The following CRYBG1 variants were observed in gnomAD, a reference collection of about 807,000 sequenced individuals.
CRYBG1 encodes crystallin beta-gamma domain containing 1, also known as beta/gamma crystallin domain-containing protein 1.
CRYBG1 carries 139 observed loss-of-function variants against 189.2 expected under a neutral mutation model. That is an observed-to-expected ratio of 0.73 (90% CI 0.64 to 0.85). The LOEUF (loss-of-function observed/expected upper bound fraction) is 0.85, where lower values mean the gene tolerates loss of function less well. Among genes scored for constraint, CRYBG1 ranks in the 40% least tolerant of loss-of-function variants. The pLI, the probability that CRYBG1 is intolerant of heterozygous loss-of-function variation, is 0.00. For synonymous variants in CRYBG1, 1,023 were observed against 1,017.1 expected (o/e 1.01, Z -0.11); for missense variants, 2,611 against 2,675.8 (o/e 0.98, Z 0.53).
At chr6:106,550,714 G>A (rs1020933105) in intron 13 of CRYBG1, among the ~76,000 whole-genome samples, 2 of 152,036 alleles carry the variant, frequency 1.3e-5, no homozygotes, top group African/African-American at 2.4e-5. Flanking sequence ...TTTTCAGTGT[G>A]GTTTGTTGTG....
chr6:106,455,113 C>T (rs1452672372), intron 2 of CRYBG1, among the ~76,000 whole-genome samples: 1 of 152,112 alleles, frequency 6.6e-6, no homozygotes, highest in Non-Finnish European at 1.5e-5. Flanking sequence ...TTTATTTATA[C>T]AAAACAAGTT....
At chr6:106,504,058 T>C (rs1274647558) in intron 2 of CRYBG1, among the ~76,000 whole-genome samples, 6 of 143,060 alleles carry the variant, frequency 4.2e-5, no homozygotes, top group Admixed American at 1.4e-4. Flanking sequence ...ACCACAACCA[T>C]TGAGGTGTAA....
At chr6:106,563,309 T>C (rs1183147619) in intron 20 of CRYBG1, among the ~76,000 whole-genome samples, 3 of 151,932 alleles carry the variant, frequency 2.0e-5, no homozygotes, top group African/African-American at 7.2e-5. Context: ...CAATTCCGAG[T>C]TTTAAAATGA....
intron 13 of CRYBG1, among the ~76,000 whole-genome samples, chr6:106,550,359 G>A (rs917618776): frequency 3.3e-5 from 5 of 152,110 alleles, no homozygotes; most frequent in Non-Finnish European, 7.4e-5. Flanking sequence ...GCTTTGAGAG[G>A]ATCATGAGAA....
chr6:106,568,202 T>C (rs956151446), intron 21 of CRYBG1, among the ~76,000 whole-genome samples: 3 of 152,232 alleles, frequency 2.0e-5, no homozygotes, highest in African/African-American at 7.2e-5. Context: ...TCTTAAGAAC[T>C]GGGTAGAAAA....
chr6:106,557,406 TTA>T (rs1332877113), intron 17 of CRYBG1, among the ~76,000 whole-genome samples: 1 of 45,198 alleles, frequency 2.2e-5, no homozygotes, highest in African/African-American at 6.1e-5. Flanking sequence ...CCACATGCTT[TTA>T]TTTTTTTTTT....
chr6:106,527,274 G>A lies in CRYBG1; in HGVS notation c.4413-31G>A, dbSNP rs370708872. Reference sequence around the variant, plus strand: ...AATCAAAACCTCTCTCACGAAGACTGACTAATGGTTTTGCTGTGTTTTATT... The same window carrying A: ...AATCAAAACCTCTCTCACGAAGACTAACTAATGGTTTTGCTGTGTTTTATT... On this transcript the variant is annotated intron_variant, in intron 6 of 21. Coordinates refer to ENST00000633556, the MANE Select transcript of CRYBG1 (RefSeq NM_001371242.2). 23 of 1,588,492 alleles carry A rather than the reference G, an allele frequency of 1.4e-5. No homozygotes were observed. In the African/African-American group the frequency reaches 3.0e-4, roughly 21 times the overall value.
intron 1 of CRYBG1, among the ~76,000 whole-genome samples, chr6:106,368,238 C>A (rs1196524915): frequency 2.0e-5 from 3 of 151,840 alleles, no homozygotes; most frequent in Non-Finnish European, 4.4e-5. Context: ...GTCAACATAG[C>A]GAGATCCCAT....
At chr6:106,462,434 C>T (rs980392108) in intron 2 of CRYBG1, among the ~76,000 whole-genome samples, 1 of 152,234 alleles carries the variant, frequency 6.6e-6, no homozygotes, top group African/African-American at 2.4e-5. Context: ...GCTGGGATTA[C>T]AGGCGTGAGC....
chr6:106,504,029 G>GAAAAAAAAAAAAAAA, intron 2 of CRYBG1, among the ~76,000 whole-genome samples: 1 of 88,550 alleles, frequency 1.1e-5, no homozygotes, highest in Non-Finnish European at 2.3e-5. Flanking sequence ...GACAGCATTA[G>GAAAAAAAAAAAAAAA]AAAAAAAAAA....
intron 2 of CRYBG1, among the ~76,000 whole-genome samples, chr6:106,479,803 C>T (rs974084675): frequency 2.6e-5 from 4 of 152,150 alleles, no homozygotes; most frequent in Admixed American, 2.0e-4. Flanking sequence ...TGTAAAAGTT[C>T]TGTATGCTAG....
At chr6:106,404,895 G>T (rs565398602) in intron 1 of CRYBG1, among the ~76,000 whole-genome samples, 1 of 152,132 alleles carries the variant, frequency 6.6e-6, no homozygotes, top group Admixed American at 6.5e-5. Context: ...CACAGACCAG[G>T]AGATTCCTTC....
At chr6:106,514,874 G>A (rs1450627608) in intron 3 of CRYBG1, among the ~76,000 whole-genome samples, 5 of 152,066 alleles carry the variant, frequency 3.3e-5, no homozygotes, top group East Asian at 1.9e-4. Context: ...TTTGTTTTGC[G>A]CAGTGCCTTG....
chr6:106,548,732 TC>T, intron 13 of CRYBG1, among the ~76,000 whole-genome samples: 1 of 152,054 alleles, frequency 6.6e-6, no homozygotes, highest in Non-Finnish European at 1.5e-5. Flanking sequence ...ACGTAGATTT[TC>T]TTTTTTTTTA....
chr6:106,496,222 A>G (rs974995804), intron 2 of CRYBG1, among the ~76,000 whole-genome samples: 2 of 152,248 alleles, frequency 1.3e-5, no homozygotes, highest in Non-Finnish European at 2.9e-5. Context: ...GTAAACTTTT[A>G]AGAAAAAGAA....
Position 106,560,806 on chromosome 6 carries a change from G to A in CRYBG1, c.5859G>A (p.Trp1953Ter), listed in dbSNP as rs773537056. The change falls in exon 19 of 22, where the codon TGG becomes TGA. Residue 1953 changes from tryptophan (W) to a stop codon, truncating the protein, a stop_gained. Transcript: ENST00000633556. LOFTEE classifies it high-confidence loss of function. Reference sequence around the variant, plus strand: ...CTGTGGTTATTTTTGTTTTCAGATGGGTTACTTATGAATATGGCAGTTACA... The same window carrying A: ...CTGTGGTTATTTTTGTTTTCAGATGAGTTACTTATGAATATGGCAGTTACA... ...IRSVQVIGGIWVTYEYGSYRG... is the reference protein window; with the variant it reads ...IRSVQVIGGI 128 of 1,605,194 alleles carry A rather than the reference G, an allele frequency of 8.0e-5. No individual in the cohort carries two copies. Among genetic ancestry groups the A allele is most frequent in the Admixed American group, 2.2e-4 (13 of 58,062 alleles).
At chr6:106,476,006 G>T (rs924244379) in intron 2 of CRYBG1, among the ~76,000 whole-genome samples, 1 of 152,096 alleles carries the variant, frequency 6.6e-6, no homozygotes, top group Admixed American at 6.5e-5. Context: ...GTGTAAGTAG[G>T]ATAAAAAGTA....
At chr6:106,564,030 T>G in intron 21 of CRYBG1, 104 bp downstream of exon 21, 2 of 1,235,184 alleles carry the variant, frequency 1.6e-6, no homozygotes, top group Non-Finnish European at 2.3e-6. Flanking sequence ...TTATTAGTAG[T>G]AACAGTAAGA....
intron 2 of CRYBG1, among the ~76,000 whole-genome samples, chr6:106,480,424 G>A (rs1772422212): frequency 6.6e-6 from 1 of 151,746 alleles, no homozygotes; most frequent in African/African-American, 2.4e-5. Context: ...CAGCACTTTG[G>A]GAGGCCGAGG....
Sources: allele counts gnomAD v4.1 joint callset (sites outside exome capture counted in the v4.1 genomes callset), GRCh38; gene constraint gnomAD v4.1.1; transcripts MANE v1.5; gene names NCBI Gene and HGNC (gene_info 2026-07-23, HGNC 2026-07-21).